Variants in CCDC60 observed in about 807,000 individuals in gnomAD.
CCDC60 encodes coiled-coil domain containing 60.
A neutral mutation model predicts 63.5 loss-of-function variants in CCDC60; 54 were observed. The ratio of observed to expected loss-of-function variants is 0.85; its 90% CI spans 0.68 to 1.07. The LOEUF (loss-of-function observed/expected upper bound fraction) is 1.07, where lower values mean the gene tolerates loss of function less well. CCDC60 is among the 50% of genes least tolerant of loss of function. The pLI, the probability that CCDC60 is intolerant of heterozygous loss-of-function variation, is 0.00. For missense variants in CCDC60, 651 were observed against 684.3 expected, an observed-to-expected ratio of 0.95 and a Z score of 0.54; for synonymous variants, 206 against 238.8, an observed-to-expected ratio of 0.86 and a Z score of 1.27.
chr12:119,421,741 G>A (rs570055385), intron 1 of CCDC60, among the ~76,000 whole-genome samples: 1 of 152,080 alleles, frequency 6.6e-6, no homozygotes, highest in Non-Finnish European at 1.5e-5. Context: ...CCTCACTCAA[G>A]GTCACTGAAC....
At chr12:119,528,576 G>T (rs770329804) in intron 11 of CCDC60, 39 bp from the exon 12 acceptor site, 2 of 1,593,512 alleles carry the variant, frequency 1.3e-6, no homozygotes, top group Non-Finnish European at 1.7e-6. Context: ...AGGAGGAGGG[G>T]ATCTCATTCT....
At chr12:119,338,931 G>C (rs1007200685) in intron 1 of CCDC60, among the ~76,000 whole-genome samples, 3 of 152,134 alleles carry the variant, frequency 2.0e-5, no homozygotes, top group African/African-American at 7.2e-5. Context: ...TTTCTCACAG[G>C]GTTGGACATT....
chr12:119,448,989 G>C (rs1359107517), intron 2 of CCDC60, among the ~76,000 whole-genome samples: 1 of 152,170 alleles, frequency 6.6e-6, no homozygotes, highest in Admixed American at 6.5e-5. Context: ...GTCAGGCGGT[G>C]GGGATTGCAG....
chr12:119,344,254 G>T (rs1248845885), intron 1 of CCDC60, among the ~76,000 whole-genome samples: 1 of 152,090 alleles, frequency 6.6e-6, no homozygotes, highest in Non-Finnish European at 1.5e-5. Context: ...AATGTCCTCA[G>T]GGGGCAAGAC....
chr12:119,355,210 A>G (rs1955704088), intron 1 of CCDC60, among the ~76,000 whole-genome samples: 5 of 152,180 alleles, frequency 3.3e-5, no homozygotes, highest in Admixed American at 3.3e-4. Flanking sequence ...TGGGCACAGT[A>G]CTAATAGGTG....
At chr12:119,351,380 A>G (rs1359022476) in intron 1 of CCDC60, among the ~76,000 whole-genome samples, 1 of 152,136 alleles carries the variant, frequency 6.6e-6, no homozygotes, top group South Asian at 2.1e-4. Flanking sequence ...CCATTCTCAC[A>G]TTGCTATAAA....
chr12:119,375,544 A>G (rs2136180316), intron 1 of CCDC60, among the ~76,000 whole-genome samples: 1 of 152,264 alleles, frequency 6.6e-6, no homozygotes, highest in South Asian at 2.1e-4. Context: ...CCCCATACAA[A>G]TAAAATGTGT....
chr12:119,409,185 A>T (rs1371397886), intron 1 of CCDC60, among the ~76,000 whole-genome samples: 1 of 152,130 alleles, frequency 6.6e-6, no homozygotes, highest in Non-Finnish European at 1.5e-5. Flanking sequence ...CTAGATCCTG[A>T]TCATCGCCAA....
chr12:119,481,057 A>C (rs1285233854), intron 4 of CCDC60, among the ~76,000 whole-genome samples: 1 of 150,836 alleles, frequency 6.6e-6, no homozygotes, highest in East Asian at 1.9e-4. Flanking sequence ...CCTCACCACC[A>C]TCATCATCAT....
rs1956482518 is a variant in CCDC60 at position 119,406,080 on chromosome 12, A to C, written c.91-22603A>C. On this transcript the variant is annotated intron_variant, in intron 1 of 13. Coordinates refer to ENST00000327554, the MANE Select transcript of CCDC60 (RefSeq NM_178499.5). ...CAGCTATTCAGGAGGCTGAGGCAGG[A>C]GAATCGCTTGAACCCGGGAGGCAGA... Among the ~76,000 whole-genome samples, 3 of 152,282 alleles carry C rather than the reference A, an allele frequency of 2.0e-5. No individual in the cohort carries two copies. The South Asian group carries it at 6.2e-4, about 32-fold the overall frequency.
intron 1 of CCDC60, among the ~76,000 whole-genome samples, chr12:119,344,842 C>CTT: frequency 3.7e-5 from 4 of 106,918 alleles, no homozygotes; most frequent in African/African-American, 1.4e-4. Context: ...CTCTTTCTCT[C>CTT]TCTCTCTCTC....
intron 7 of CCDC60, among the ~76,000 whole-genome samples, chr12:119,505,964 T>TAA (rs71072521): frequency 0.55 from 84,273 of 151,858 alleles, 24,214 homozygotes; most frequent in African/African-American, 0.61. Context: ...TCTTTTATAC[T>TAA]GTCTTTGAAA....
At chr12:119,460,165 A>G (rs1950830000) in intron 2 of CCDC60, among the ~76,000 whole-genome samples, 5 of 152,210 alleles carry the variant, frequency 3.3e-5, no homozygotes, top group Admixed American at 3.3e-4. Flanking sequence ...GGTAAATCCA[A>G]TGCTGCAGAA....
intron 1 of CCDC60, among the ~76,000 whole-genome samples, chr12:119,382,892 T>C (rs1174545850): frequency 2.0e-5 from 3 of 152,086 alleles, no homozygotes; most frequent in Admixed American, 6.5e-5. Flanking sequence ...GCTTTACTTC[T>C]CTCCTTTGCT....
At chr12:119,507,614 A>ATATATATTT (rs1368858215) in intron 7 of CCDC60, among the ~76,000 whole-genome samples, 2 of 50,498 alleles carry the variant, frequency 4.0e-5, no homozygotes, top group Non-Finnish European at 6.6e-5. Context: ...ATATATATAT[A>ATATATATTT]TTTTTTTTTT....
chr12:119,431,926 G>A (rs765383004), intron 2 of CCDC60, among the ~76,000 whole-genome samples: 11 of 152,096 alleles, frequency 7.2e-5, no homozygotes, highest in Non-Finnish European at 8.8e-5. Flanking sequence ...TGATCTGCCC[G>A]CCTCGGCCTC....
intron 1 of CCDC60, among the ~76,000 whole-genome samples, chr12:119,354,797 C>G (rs1280085341): frequency 6.6e-6 from 1 of 152,208 alleles, no homozygotes; most frequent in Non-Finnish European, 1.5e-5. Context: ...CAGACACTGT[C>G]TTTATGTTCT....
intron 1 of CCDC60, among the ~76,000 whole-genome samples, chr12:119,387,034 TCACACACACA>T (rs1555233707): frequency 3.7e-4 from 39 of 105,452 alleles, no homozygotes; most frequent in South Asian, 1.7e-3. Context: ...TCTGTCTCTC[TCACACACACA>T]CACACACACA....
chr12:119,460,947 A>T (rs1004161192), intron 2 of CCDC60, among the ~76,000 whole-genome samples: 3 of 152,196 alleles, frequency 2.0e-5, no homozygotes, highest in African/African-American at 7.2e-5. Context: ...TCTGCAAAAC[A>T]AACAGCCCAG....
Sources: gnomAD v4.1 joint callset for allele counts (sites outside exome capture counted in the v4.1 genomes callset) on GRCh38, gnomAD v4.1.1 for gene constraint, MANE v1.5 for transcripts, NCBI Gene and HGNC (gene_info 2026-07-23, HGNC 2026-07-21) for gene names.